MBNL2: variants seen among roughly 807,000 people sequenced by gnomAD.
The protein encoded by MBNL2 is muscleblind like splicing regulator 2.
A neutral mutation model predicts 41.9 loss-of-function variants in MBNL2; 17 were observed. The observed-to-expected ratio is 0.41, with a 90% confidence interval of 0.28 to 0.61. The LOEUF is 0.61. Among genes scored for constraint, MBNL2 ranks in the 20% least tolerant of loss-of-function variants. The pLI is 0.35. For missense variants in MBNL2, 336 were observed against 505.6 expected, an observed-to-expected ratio of 0.66 and a Z score of 3.22; for synonymous variants, 195 against 182.9, an observed-to-expected ratio of 1.07 and a Z score of -0.53.
the MBNL2 span, among the ~76,000 whole-genome samples, chr13:97,206,534 T>A: frequency 1.3e-5 from 2 of 152,290 alleles, no homozygotes; most frequent in South Asian, 2.1e-4. Flanking sequence ...ATTTAATATT[T>A]ATTATTTTCT....
intron 1 of MBNL2, among the ~76,000 whole-genome samples, chr13:97,229,484 A>G (rs894827398): frequency 1.2e-4 from 18 of 152,186 alleles, no homozygotes; most frequent in Non-Finnish European, 2.4e-4. Flanking sequence ...TGTGTGTAAC[A>G]TATTAGCAGG....
chr13:97,177,842 A>G, the MBNL2 span, among the ~76,000 whole-genome samples: 1 of 152,228 alleles, frequency 6.6e-6, no homozygotes, highest in Non-Finnish European at 1.5e-5. Context: ...ATTCTCAATT[A>G]CAGTATTGAG....
At chr13:97,183,353 T>G in the MBNL2 span, among the ~76,000 whole-genome samples, 1 of 152,330 alleles carries the variant, frequency 6.6e-6, no homozygotes, top group Non-Finnish European at 1.5e-5. Context: ...TCTAGTTACC[T>G]CTGTTCTTAA....
intron 8 of MBNL2, among the ~76,000 whole-genome samples, chr13:97,368,636 A>G (rs757975829): frequency 4.0e-5 from 6 of 151,704 alleles, no homozygotes; most frequent in Non-Finnish European, 8.8e-5. Flanking sequence ...AAGCCTAGTG[A>G]TTCTTTGGCT....
intron 1 of MBNL2, among the ~76,000 whole-genome samples, chr13:97,240,020 C>T (rs2043973886): frequency 6.6e-6 from 1 of 152,222 alleles, no homozygotes; most frequent in African/African-American, 2.4e-5. Context: ...AAAGCTCTCC[C>T]AAGTTACTCT....
chr13:97,357,770 A>C, intron 7 of MBNL2, 135 bp downstream of exon 7: 1 of 864,048 alleles, frequency 1.2e-6, no homozygotes, highest in Non-Finnish European at 1.9e-6. Context: ...TGTCCTAGCT[A>C]TCTAAATGTA....
At chr13:97,345,470 A>T (rs1196448045) in intron 4 of MBNL2, among the ~76,000 whole-genome samples, 2 of 152,208 alleles carry the variant, frequency 1.3e-5, no homozygotes, top group African/African-American at 4.8e-5. Context: ...GATCCACCAG[A>T]ATTCTCAGGG....
chr13:97,281,143 T>C (rs1004858448), intron 2 of MBNL2, among the ~76,000 whole-genome samples: 10 of 152,308 alleles, frequency 6.6e-5, no homozygotes, highest in African/African-American at 2.2e-4. Context: ...ATTTGTTGAA[T>C]TGCATGTTCT....
chr13:97,174,108 A>G, the MBNL2 span, among the ~76,000 whole-genome samples: 5 of 152,154 alleles, frequency 3.3e-5, no homozygotes, highest in African/African-American at 4.8e-5. Flanking sequence ...GCTTTTCTCT[A>G]TTCTAAGGTA....
the MBNL2 span, among the ~76,000 whole-genome samples, chr13:97,153,857 CA>C: frequency 6.6e-6 from 1 of 152,162 alleles, no homozygotes; most frequent in South Asian, 2.1e-4. Context: ...TGCTGGCTTC[CA>C]AACATGTTGT....
At chr13:97,194,104 C>T in the MBNL2 span, among the ~76,000 whole-genome samples, 1 of 152,192 alleles carries the variant, frequency 6.6e-6, no homozygotes, top group Non-Finnish European at 1.5e-5. Context: ...CTTCTCTGAA[C>T]ATACCACTCA....
chr13:97,376,667 C>T (rs944393338), intron 8 of MBNL2, among the ~76,000 whole-genome samples: 8 of 152,108 alleles, frequency 5.3e-5, no homozygotes, highest in Non-Finnish European at 1.0e-4. Flanking sequence ...ATCTTTAAGG[C>T]GATCATTGTA....
the MBNL2 span, among the ~76,000 whole-genome samples, chr13:97,209,985 G>A: frequency 5.7e-4 from 86 of 152,172 alleles, no homozygotes; most frequent in African/African-American, 2.0e-3. Flanking sequence ...TAGTAGAGAC[G>A]GGGTTTCACC....
the MBNL2 span, among the ~76,000 whole-genome samples, chr13:97,188,454 T>C: frequency 6.6e-6 from 1 of 152,186 alleles, no homozygotes. Context: ...CCTGCATTTC[T>C]GTTCAGATCA....
chr13:97,209,533 A>C, the MBNL2 span, among the ~76,000 whole-genome samples: 1 of 152,250 alleles, frequency 6.6e-6, no homozygotes, highest in African/African-American at 2.4e-5. Context: ...TTAATGCTTT[A>C]TAATAATCTT....
chr13:97,393,575 T>C lies in MBNL2; in HGVS notation c.*2126T>C, dbSNP rs554830709. On this transcript the variant is annotated 3_prime_UTR_variant, in exon 9 of 9. Coordinates refer to ENST00000679496, the MANE Select transcript of MBNL2 (RefSeq NM_001382683.1). ...ATTACAATATGCAAAGAGTCATAAA[T>C]ATGCCATTTACAATAAGGAGGAGGC... 1.4e-3 allele frequency: 214 copies of C among 152,644 alleles called. 2 individuals are homozygous for C. Among genetic ancestry groups the C allele is most frequent in the African/African-American group, 5.1e-3 (212 of 41,590 alleles). The allele number at this position is 152,644 out of a possible 1,614,324, so 9.5% of individuals were successfully genotyped here.
At chr13:97,220,561 A>C (rs1418608613), upstream of MBNL2, among the ~76,000 whole-genome samples, 1 of 152,240 alleles carries the variant, frequency 6.6e-6, no homozygotes, top group Non-Finnish European at 1.5e-5. Context: ...TCTATAATTC[A>C]GATTTTATAG....
At chr13:97,284,589 G>T (rs1228506594) in intron 2 of MBNL2, among the ~76,000 whole-genome samples, 1 of 152,088 alleles carries the variant, frequency 6.6e-6, no homozygotes, top group Non-Finnish European at 1.5e-5. Context: ...AGGAACTGGG[G>T]GTTAGGACTT....
chr13:97,205,714 T>C, the MBNL2 span, among the ~76,000 whole-genome samples: 5 of 152,240 alleles, frequency 3.3e-5, no homozygotes, highest in South Asian at 6.2e-4. Flanking sequence ...GTTAAGACAG[T>C]TGAGCTTTTA....
Sources: allele counts gnomAD v4.1 joint callset (sites outside exome capture counted in the v4.1 genomes callset), GRCh38; gene constraint gnomAD v4.1.1; transcripts MANE v1.5; gene names NCBI Gene and HGNC (gene_info 2026-07-23, HGNC 2026-07-21).